The following EIF2B1 variants were observed in gnomAD, a reference collection of about 807,000 sequenced individuals.
The protein encoded by EIF2B1 is eukaryotic translation initiation factor 2B subunit alpha, also known as translation initiation factor eIF2B subunit alpha.
In EIF2B1, 30 loss-of-function variants were observed where a neutral mutation model predicts 36.8. The ratio of observed to expected loss-of-function variants is 0.81; its 90% confidence interval spans 0.61 to 1.10. The LOEUF is 1.10. Ranked by LOEUF, EIF2B1 falls within the 50% of genes least tolerant of loss-of-function variation. EIF2B1 has a pLI of 0.00. For synonymous variants in EIF2B1, 139 were observed against 142.2 expected (o/e 0.98, Z 0.16); for missense variants, 271 against 374.8 (o/e 0.72, Z 2.29).
Position 123,620,627 on chromosome 12 carries a change from T to TATATAA in EIF2B1, c.*1128_*1129insTTATAT, listed in dbSNP as rs1250251932. ...ATATATATATATATATATATATATA[T>TATATAA]AAGCTCTTTTTTCTGAGGCTATTTT... On this transcript the variant is annotated 3_prime_UTR_variant, in exon 9 of 9. Transcript: ENST00000424014. 245 of 99,802 alleles carry TATATAA rather than the reference T, an allele frequency of 2.5e-3. 11 individuals are homozygous for TATATAA. Among genetic ancestry groups the TATATAA allele is most frequent in the Non-Finnish European group, 3.6e-3 (170 of 46,652 alleles). The allele number at this position is 99,802 out of a possible 1,614,324, so 6.2% of individuals were successfully genotyped here. A position where few individuals can be genotyped will look rare whatever the true frequency, so the allele number is the denominator to read the frequency against.
chr12:123,629,868 A>G (rs966610157), intron 4 of EIF2B1, among the ~76,000 whole-genome samples: 1 of 152,200 alleles, frequency 6.6e-6, no homozygotes, highest in Admixed American at 6.5e-5. Flanking sequence ...GCCTGTTTAC[A>G]ATGACAACCA....
rs530913842 is a variant in EIF2B1, at chr12:123,623,575, C to T, written c.628-814G>A. Among the ~76,000 whole-genome samples, 64 of 152,026 alleles carry T rather than the reference C, an allele frequency of 4.2e-4. 1 individual carries two copies. The East Asian group carries it at 4.3e-3, about 10-fold the overall frequency. On this transcript the variant is annotated intron_variant, in intron 7 of 8. Coordinates refer to ENST00000424014, the MANE Select transcript of EIF2B1 (RefSeq NM_001414.4). The stretch of plus-strand genomic sequence containing the variant: ...CAGACCTCCGCCTCCCAGGTTCAAG[C>T]GATTCTCCTGCGTCAGCCTGCCAAG...
At chr12:123,632,590 A>C (rs1289951849) in intron 1 of EIF2B1, 144 bp from the exon 2 acceptor site, 3 of 681,732 alleles carry the variant, frequency 4.4e-6, no homozygotes, top group Non-Finnish European at 7.9e-6. Context: ...GGATGCAATA[A>C]ATGTTGATGG....
At chr12:123,624,418 C>T (rs537273216) in intron 7 of EIF2B1, among the ~76,000 whole-genome samples, 48 of 152,056 alleles carry the variant, frequency 3.2e-4, no homozygotes, top group Non-Finnish European at 2.9e-5. Flanking sequence ...ACCACCACGC[C>T]CAGCTAATTT....
intron 1 of EIF2B1, 39 bp from the exon 2 acceptor site, chr12:123,632,485 A>G: frequency 7.2e-7 from 1 of 1,384,940 alleles, no homozygotes; most frequent in Non-Finnish European, 1.0e-6. Flanking sequence ...TAATTCATTT[A>G]GCAGCCTATA....
At chr12:123,632,290 A>AAG in intron 2 of EIF2B1, 55 bp downstream of exon 2, 2 of 1,184,854 alleles carry the variant, frequency 1.7e-6, no homozygotes, top group Non-Finnish European at 2.4e-6. Context: ...AAAAAAGAAA[A>AAG]GAAAAAAAAG....
chr12:123,622,725 G>T lies in EIF2B1; in HGVS notation c.664C>A (p.Gln222Lys). 4 of 1,614,156 alleles carry T rather than the reference G, an allele frequency of 2.5e-6. No individual in the cohort carries two copies. The highest frequency in any genetic ancestry group is 3.4e-6 in the Non-Finnish European group (4 of 1,180,000). Residue 222 changes from glutamine (Q) to lysine (K), a missense_variant, in exon 8 of 9, where the codon CAG becomes AAG. Gln to Lys is a moderately conservative substitution (Grantham distance 53). Coordinates refer to ENST00000424014, the MANE Select transcript of EIF2B1 (RefSeq NM_001414.4). The part of the protein sequence containing the change: ...TNQMAVCAKA[Q>K]NKPFYVVAES... ...GCAACCACATAGAAAGGTTTGTTCT[G>T]TGCTTTGGCACACACAGCCATCTGG...
At position 123,624,797 on chromosome 12, in the gene EIF2B1, A is replaced by G. The variant is rs1055059168; in HGVS notation, c.617T>C (p.Ile206Thr). 3 of 1,613,902 alleles carry G rather than the reference A, an allele frequency of 1.9e-6. No individual in the cohort carries two copies. Among genetic ancestry groups the G allele is most frequent in the Non-Finnish European group, 2.5e-6 (3 of 1,179,918 alleles). The change falls in exon 7 of 9, where the codon ATT becomes ACT. Residue 206 changes from isoleucine to threonine, a missense_variant. Physicochemically the swap from Ile to Thr is moderately conservative, Grantham distance 89. Transcript: ENST00000424014. ...GAEGVVENGG[I>T]INKIGTNQMA... ...AACTGATGCTCTTACCTTGTTAATA[A>G]TTCCTCCGTTTTCAACAACTCCTTC...
Position 123,633,587 on chromosome 12 carries a change from A to AC in EIF2B1, c.-31dup. On this transcript the variant is annotated 5_prime_UTR_variant, in exon 1 of 9. Transcript: ENST00000424014. ...TCCTCCTGCTGCGGAGCCCCAGGGGACCCGAGCCGCCCGCGCTGTCTCGAA... is the reference window on the plus strand; with the variant it reads ...TCCTCCTGCTGCGGAGCCCCAGGGGACCCCGAGCCGCCCGCGCTGTCTCGAA... 2 of 1,606,666 alleles carry AC rather than the reference A, an allele frequency of 1.2e-6. No homozygotes were observed. The highest frequency in any genetic ancestry group is 1.7e-6 in the Non-Finnish European group (2 of 1,179,908).
chr12:123,621,708 CCTGCCTCAACTACGTAAG>C lies in EIF2B1; in HGVS notation c.*30_*47del. On this transcript the variant is annotated 3_prime_UTR_variant, in exon 9 of 9. Transcript: ENST00000424014. Reference sequence around the variant, plus strand: ...ACTGGGGTGTCAAGCAGCTACTCACCCTGCCTCAACTACGTAAGCTGCACCTTGGCAGGAAAGGGCTCA... The same window carrying C: ...ACTGGGGTGTCAAGCAGCTACTCACCCTGCACCTTGGCAGGAAAGGGCTCA... 1 of 1,612,014 alleles carries C rather than the reference CCTGCCTCAACTACGTAAG, an allele frequency of 6.2e-7. No homozygotes were observed. Among genetic ancestry groups the C allele is most frequent in the East Asian group, 2.2e-5 (1 of 44,876 alleles).
At position 123,621,391 on chromosome 12, in the gene EIF2B1, G is replaced by A. The variant is rs1379521943; in HGVS notation, c.*365C>T. The A allele has an allele frequency of 8.7e-6, 3 of 344,364 alleles. No homozygotes were observed. Among genetic ancestry groups the A allele is most frequent in the African/African-American group, 2.1e-5 (1 of 46,724 alleles). 21.3% of individuals were successfully genotyped at this position (344,364 alleles called of 1,614,324 possible). A position where few individuals can be genotyped will look rare whatever the true frequency, so the allele number is the denominator to read the frequency against. ...TGGCAGAGGGGTGTGGCTGCTTTTC[G>A]CCTGCATCTCGCGTGCTTTAGGCAG... On this transcript the variant is annotated 3_prime_UTR_variant, in exon 9 of 9. Coordinates refer to ENST00000424014, the MANE Select transcript of EIF2B1 (RefSeq NM_001414.4).
In EIF2B1 at chr12:123,621,893, G is replaced by C; in HGVS notation, c.781C>G (p.Gln261Glu). 2.5e-6 allele frequency: 4 copies of C among 1,614,100 alleles called. No individual in the cohort carries two copies. Among genetic ancestry groups the C allele is most frequent in the Non-Finnish European group, 3.4e-6 (4 of 1,180,034 alleles). Reference sequence around the variant, plus strand: ...TCCTCTTTGAGGTCTTGTCCAGTCTGCGCGACCTTGAGAGTGTCTGCCTTA... The same window carrying C: ...TCCTCTTTGAGGTCTTGTCCAGTCTCCGCGACCTTGAGAGTGTCTGCCTTA... Reference protein sequence around the residue: ...KYKADTLKVAQTGQDLKEEHP... With the variant: ...KYKADTLKVAETGQDLKEEHP... The change falls in exon 9 of 9, where the codon CAG becomes GAG. Residue 261 changes from glutamine (Q) to glutamate (E), a missense_variant. Coordinates refer to ENST00000424014, the MANE Select transcript of EIF2B1 (RefSeq NM_001414.4).
chr12:123,624,881 T>A lies in EIF2B1; in HGVS notation c.552-19A>T, dbSNP rs751135791. The A allele has an allele frequency of 6.2e-7, 1 of 1,609,256 alleles. No individual in the cohort carries two copies. Among genetic ancestry groups the A allele is most frequent in the Non-Finnish European group, 8.5e-7 (1 of 1,175,620 alleles). The stretch of plus-strand genomic sequence containing the variant: ...GATGTAGCTAAGGGGAAAAAAAGCT[T>A]TTCATGCTTTATTTTCTTGGCTCTA... On this transcript the variant is annotated intron_variant, in intron 6 of 8. Transcript: ENST00000424014.
At chr12:123,626,850 C>T (rs1237741809) in intron 5 of EIF2B1, 194 bp downstream of exon 5, 3 of 710,350 alleles carry the variant, frequency 4.2e-6, no homozygotes, top group Non-Finnish European at 7.7e-6. Context: ...TAAGTGAAAC[C>T]CCTAGATCAT....
At chr12:123,632,486 G>C (rs754908268) in intron 1 of EIF2B1, 40 bp from the exon 2 acceptor site, 59 of 1,383,692 alleles carry the variant, frequency 4.3e-5, no homozygotes, top group African/African-American at 1.4e-5. Flanking sequence ...AATTCATTTA[G>C]CAGCCTATAA....
rs1443160813 is a variant in EIF2B1 at position 123,626,346 on chromosome 12, A to C, written c.551+79T>G. On this transcript the variant is annotated intron_variant, in intron 6 of 8. Coordinates refer to ENST00000424014, the MANE Select transcript of EIF2B1 (RefSeq NM_001414.4). ...TGGTGTGGCTTTATGAACGGGACTC[A>C]AACTTTCAATCTGAAAACTTGCTGT... The C allele has an allele frequency of 5.1e-6, 8 of 1,583,166 alleles. No homozygotes were observed. The African/African-American group carries it at 1.1e-4, about 21-fold the overall frequency.
chr12:123,629,621 G>A (rs541574381), intron 4 of EIF2B1, among the ~76,000 whole-genome samples: 9 of 152,092 alleles, frequency 5.9e-5, no homozygotes, highest in South Asian at 4.2e-4. Flanking sequence ...GTGAAACCCC[G>A]TCTCTACTAA....
intron 7 of EIF2B1, among the ~76,000 whole-genome samples, chr12:123,623,989 A>T (rs540705694): frequency 6.6e-6 from 1 of 151,682 alleles, no homozygotes; most frequent in Non-Finnish European, 1.5e-5. Context: ...GTAAGCTATG[A>T]TCACTGTACT....
At chr12:123,631,582 G>A (rs1169555724) in intron 2 of EIF2B1, among the ~76,000 whole-genome samples, 1 of 152,076 alleles carries the variant, frequency 6.6e-6, no homozygotes, top group Non-Finnish European at 1.5e-5. Context: ...GCCGACATGG[G>A]CGGATCACGA....
Sources: allele counts gnomAD v4.1 joint callset (sites outside exome capture counted in the v4.1 genomes callset), GRCh38; gene constraint gnomAD v4.1.1; transcripts MANE v1.5; gene names NCBI Gene and HGNC (gene_info 2026-07-23, HGNC 2026-07-21).